Variants in CTNNA3 observed in about 807,000 individuals in gnomAD.
The protein encoded by CTNNA3 is catenin alpha-3.
In CTNNA3, 76 loss-of-function variants were observed where a neutral mutation model predicts 95.7. The observed-to-expected ratio is 0.79, with a 90% CI of 0.66 to 0.96. The LOEUF (loss-of-function observed/expected upper bound fraction) is 0.96. Among genes scored for constraint, CTNNA3 ranks in the 40% least tolerant of loss-of-function variants. The probability of loss-of-function intolerance (pLI) is 0.00; values close to 1 mark genes in which losing one functional copy is unlikely to be tolerated. For synonymous variants in CTNNA3, 431 were observed against 374.4 expected (o/e 1.15, Z -1.74); for missense variants, 1,191 against 1,089.8 (o/e 1.09, Z -1.31).
chr10:66,835,524 G>A (rs193222166), intron 7 of CTNNA3, among the ~76,000 whole-genome samples: 1 of 152,264 alleles, frequency 6.6e-6, no homozygotes, highest in Non-Finnish European at 1.5e-5. Flanking sequence ...CTTGCCCTTT[G>A]GCAGTGCCTT....
At chr10:67,210,819 G>A (rs961127229) in intron 6 of CTNNA3, among the ~76,000 whole-genome samples, 1 of 152,108 alleles carries the variant, frequency 6.6e-6, no homozygotes, top group Non-Finnish European at 1.5e-5. Flanking sequence ...TAGTCAGTGT[G>A]AATTATCCAC....
At chr10:66,711,004 A>G (rs1270061932) in intron 9 of CTNNA3, among the ~76,000 whole-genome samples, 2 of 152,098 alleles carry the variant, frequency 1.3e-5, no homozygotes, top group African/African-American at 4.8e-5. Context: ...AAAATGTGTT[A>G]GCAGTTTATG....
chr10:67,539,413 G>T, intron 4 of CTNNA3, 90 bp downstream of exon 4: 1 of 1,391,826 alleles, frequency 7.2e-7, no homozygotes, highest in Non-Finnish European at 1.0e-6. Flanking sequence ...TGAGAGTGAA[G>T]CCAAGATGCA....
In CTNNA3 at chr10:66,328,891, T is replaced by TAC. The variant is rs1229550025; in HGVS notation, c.1733-48272_1733-48271dup. 7.3e-4 allele frequency among the ~76,000 whole-genome samples: 89 copies of TAC among 121,756 alleles called. 1 individual carries two copies. In the South Asian group the frequency reaches 0.017, roughly 23 times the overall value. 79.9% of individuals were successfully genotyped at this position (121,756 alleles called of 152,430 possible). A position where few individuals can be genotyped will look rare whatever the true frequency, so the allele number is the denominator to read the frequency against. ...AAAAAGAGGGATAAATTCATACACA[T>TAC]ACACACACACACATATATACATATA... On this transcript the variant is annotated intron_variant, in intron 12 of 17. Coordinates refer to ENST00000433211, the MANE Select transcript of CTNNA3 (RefSeq NM_013266.4).
intron 11 of CTNNA3, among the ~76,000 whole-genome samples, chr10:66,445,000 CA>C (rs981411059): frequency 1.3e-5 from 2 of 150,742 alleles, no homozygotes; most frequent in Non-Finnish European, 3.0e-5. Context: ...AAATGGAAAA[CA>C]AAAAAAGGCA....
chr10:67,587,750 C>G (rs1842680411), intron 3 of CTNNA3, among the ~76,000 whole-genome samples: 1 of 152,108 alleles, frequency 6.6e-6, no homozygotes, highest in Non-Finnish European at 1.5e-5. Context: ...ATCTAAATCT[C>G]CTGTTATACT....
At chr10:66,113,359 G>A (rs1320707528) in intron 13 of CTNNA3, among the ~76,000 whole-genome samples, 3 of 152,066 alleles carry the variant, frequency 2.0e-5, no homozygotes, top group South Asian at 2.1e-4. Context: ...TAAGCTCTAC[G>A]AATAAGCACA....
chr10:67,160,784 G>C (rs988754605), intron 7 of CTNNA3, among the ~76,000 whole-genome samples: 1 of 152,044 alleles, frequency 6.6e-6, no homozygotes, highest in Admixed American at 6.6e-5. Context: ...CAACCTAAAT[G>C]TTCATCACCA....
chr10:66,213,911 G>C (rs1589749844), intron 13 of CTNNA3, among the ~76,000 whole-genome samples: 1 of 152,168 alleles, frequency 6.6e-6, no homozygotes, highest in South Asian at 2.1e-4. Context: ...CTTCAAGAAA[G>C]TGGAATTCAG....
chr10:66,189,849 C>A (rs2086576426), intron 13 of CTNNA3, among the ~76,000 whole-genome samples: 1 of 151,694 alleles, frequency 6.6e-6, no homozygotes. Flanking sequence ...ATTTTTATGA[C>A]AAGGTCTACA....
At chr10:67,660,962 A>G (rs1039163987) in intron 1 of CTNNA3, among the ~76,000 whole-genome samples, 5 of 152,074 alleles carry the variant, frequency 3.3e-5, no homozygotes, top group Non-Finnish European at 7.4e-5. Context: ...TGCAAATTAA[A>G]ATACATTGAG....
intron 7 of CTNNA3, among the ~76,000 whole-genome samples, chr10:66,860,141 A>G (rs894734907): frequency 2.0e-5 from 3 of 151,550 alleles, no homozygotes; most frequent in Non-Finnish European, 2.9e-5. Flanking sequence ...CATTGTGCAC[A>G]TGTACCCTAA....
At chr10:67,306,839 T>C (rs1345324355) in intron 5 of CTNNA3, among the ~76,000 whole-genome samples, 1 of 152,088 alleles carries the variant, frequency 6.6e-6, no homozygotes, top group East Asian at 1.9e-4. Context: ...ATCCCATCCA[T>C]CCAAGGTAAA....
At chr10:66,563,561 C>T (rs1842616613) in intron 10 of CTNNA3, among the ~76,000 whole-genome samples, 2 of 151,990 alleles carry the variant, frequency 1.3e-5, no homozygotes, top group Admixed American at 1.3e-4. Context: ...CTTGGGGCCC[C>T]CAAAATCACT....
chr10:66,165,087 A>G (rs2085056888), intron 13 of CTNNA3, among the ~76,000 whole-genome samples: 2 of 152,204 alleles, frequency 1.3e-5, no homozygotes, highest in African/African-American at 4.8e-5. Flanking sequence ...ATGAATCCAT[A>G]AAAAAGAATA....
chr10:66,656,815 T>C (rs1846088233), intron 9 of CTNNA3, among the ~76,000 whole-genome samples: 1 of 151,402 alleles, frequency 6.6e-6, no homozygotes, highest in Non-Finnish European at 1.5e-5. Flanking sequence ...AAGGAGAGAG[T>C]GCTTTTTGTT....
At chr10:67,711,993 A>AGAACTG (rs1339451407) in intron 1 of CTNNA3, among the ~76,000 whole-genome samples, 1 of 152,120 alleles carries the variant, frequency 6.6e-6, no homozygotes, top group Non-Finnish European at 1.5e-5. Context: ...TCAGGGATCT[A>AGAACTG]GAACTGGAAA....
chr10:66,913,260 A>AG (rs1426512063), intron 7 of CTNNA3, among the ~76,000 whole-genome samples: 3 of 146,138 alleles, frequency 2.1e-5, no homozygotes, highest in Admixed American at 6.7e-5. Flanking sequence ...AAAAAAAAAA[A>AG]AAAAAGAAAA....
chr10:66,854,570 C>T (rs1157704650), intron 7 of CTNNA3, among the ~76,000 whole-genome samples: 2 of 151,920 alleles, frequency 1.3e-5, no homozygotes, highest in Admixed American at 1.3e-4. Flanking sequence ...CCATTACCTC[C>T]AACTGGGAAG....
Sources: allele counts gnomAD v4.1 joint callset (sites outside exome capture counted in the v4.1 genomes callset), GRCh38; gene constraint gnomAD v4.1.1; transcripts MANE v1.5; gene names NCBI Gene and HGNC (gene_info 2026-07-23, HGNC 2026-07-21).